Variants in LDLRAD3 observed in about 807,000 individuals in gnomAD.
LDLRAD3 encodes low density lipoprotein receptor class A domain containing 3.
A neutral mutation model predicts 29.4 loss-of-function variants in LDLRAD3; 20 were observed. The ratio of observed to expected loss-of-function variants is 0.68; its 90% CI spans 0.48 to 0.99. The LOEUF is 0.99. LDLRAD3 is among the 50% of genes least tolerant of loss of function. LDLRAD3 has a pLI of 0.00. For missense variants in LDLRAD3, 420 were observed against 454.3 expected, an observed-to-expected ratio of 0.92 and a Z score of 0.69; for synonymous variants, 157 against 192.7, an observed-to-expected ratio of 0.81 and a Z score of 1.53.
chr11:35,980,922 G>A (rs1002542750), intron 1 of LDLRAD3, among the ~76,000 whole-genome samples: 5 of 152,116 alleles, frequency 3.3e-5, no homozygotes, highest in African/African-American at 1.2e-4. Flanking sequence ...GGGAACCTTG[G>A]AAATCCCCCA....
chr11:36,120,257 A>AT (rs778366294), intron 4 of LDLRAD3, among the ~76,000 whole-genome samples: 28 of 150,676 alleles, frequency 1.9e-4, no homozygotes, highest in East Asian at 1.4e-3. Context: ...TGTAACAGGC[A>AT]TTTTTTTTTT....
intron 4 of LDLRAD3, among the ~76,000 whole-genome samples, chr11:36,169,491 T>C (rs941094411): frequency 6.6e-6 from 1 of 152,150 alleles, no homozygotes; most frequent in Admixed American, 6.5e-5. Flanking sequence ...TTCTACTCTT[T>C]CCCTCTGTGA....
At position 35,969,042 on chromosome 11, in the gene LDLRAD3, T is replaced by A. The variant is rs1024006400; in HGVS notation, c.46+24898T>A. ...CAGAGTCACGATTTTATACACAGGT[T>A]CCAGCCGTGGAATCCACATGCCTCA... is the stretch of plus-strand genomic sequence containing the variant. On this transcript the variant is annotated intron_variant, in intron 1 of 5. Coordinates refer to ENST00000315571, the MANE Select transcript of LDLRAD3 (RefSeq NM_174902.4). 2.6e-5 allele frequency among the ~76,000 whole-genome samples: 4 copies of A among 152,300 alleles called. No individual in the cohort carries two copies. In the East Asian group the frequency reaches 7.7e-4, roughly 29 times the overall value.
At chr11:36,087,918 C>T (rs1298120740) in intron 3 of LDLRAD3, among the ~76,000 whole-genome samples, 1 of 151,874 alleles carries the variant, frequency 6.6e-6, no homozygotes, top group Non-Finnish European at 1.5e-5. Flanking sequence ...GGAGTTTAAC[C>T]CTGTTACCCA....
chr11:36,016,312 C>T, intron 1 of LDLRAD3, among the ~76,000 whole-genome samples: 1 of 152,176 alleles, frequency 6.6e-6, no homozygotes, highest in African/African-American at 2.4e-5. Flanking sequence ...CAAGTGATTC[C>T]TTGTTCAGTT....
At chr11:36,131,241 A>G (rs1221637801) in intron 4 of LDLRAD3, among the ~76,000 whole-genome samples, 1 of 152,196 alleles carries the variant, frequency 6.6e-6, no homozygotes, top group African/African-American at 2.4e-5. Context: ...TTGCCTTTCC[A>G]CGCAAATGAA....
intron 1 of LDLRAD3, among the ~76,000 whole-genome samples, chr11:36,019,528 G>A (rs1852067158): frequency 6.6e-6 from 1 of 152,196 alleles, no homozygotes; most frequent in Admixed American, 6.5e-5. Flanking sequence ...GAGCTTCCAG[G>A]AATGGGGTGG....
In LDLRAD3 at chr11:36,015,302, C is replaced by A. The variant is rs552627817; in HGVS notation, c.47-20801C>A. ...CAATTAAAAATAAATCCGGGACATG[C>A]CATTCCCCCCCCCCGCCCCCTGCCC... is the stretch of plus-strand genomic sequence containing the variant. On this transcript the variant is annotated intron_variant, in intron 1 of 5. Transcript: ENST00000315571. Among the ~76,000 whole-genome samples the A allele has an allele frequency of 9.5e-3, 1,147 of 120,174 alleles. 13 individuals carry two copies. The highest frequency in any genetic ancestry group is 0.016 in the Non-Finnish European group (956 of 58,652). The allele number at this position is 120,174 out of a possible 152,430, so 78.8% of individuals were successfully genotyped here. A position where few individuals can be genotyped will look rare whatever the true frequency, so the allele number is the denominator to read the frequency against.
chr11:36,166,672 T>C (rs1346208391), intron 4 of LDLRAD3, among the ~76,000 whole-genome samples: 1 of 152,240 alleles, frequency 6.6e-6, no homozygotes, highest in Non-Finnish European at 1.5e-5. Context: ...TTTTACAATG[T>C]CTAGACTTCA....
At chr11:36,045,891 C>T (rs758595099) in intron 2 of LDLRAD3, among the ~76,000 whole-genome samples, 4 of 152,074 alleles carry the variant, frequency 2.6e-5, no homozygotes, top group African/African-American at 4.8e-5. Flanking sequence ...TGGTTTGCTG[C>T]ACCCATCAAC....
At chr11:36,114,054 G>T (rs994383333) in intron 4 of LDLRAD3, among the ~76,000 whole-genome samples, 2 of 152,182 alleles carry the variant, frequency 1.3e-5, no homozygotes, top group Non-Finnish European at 2.9e-5. Flanking sequence ...GATTGGATGG[G>T]TACTGGGGAT....
intron 4 of LDLRAD3, among the ~76,000 whole-genome samples, chr11:36,111,739 A>G (rs1248673866): frequency 6.6e-6 from 1 of 151,996 alleles, no homozygotes; most frequent in Non-Finnish European, 1.5e-5. Context: ...AGCGGGGATT[A>G]CAGGCGCCTG....
At chr11:36,040,104 C>T (rs1205851282) in intron 2 of LDLRAD3, among the ~76,000 whole-genome samples, 3 of 152,076 alleles carry the variant, frequency 2.0e-5, no homozygotes, top group Non-Finnish European at 4.4e-5. Context: ...GCAGTGTTCT[C>T]GCCTCGGAGA....
At chr11:36,117,588 C>T (rs1421579480) in intron 4 of LDLRAD3, among the ~76,000 whole-genome samples, 6 of 152,202 alleles carry the variant, frequency 3.9e-5, no homozygotes, top group Admixed American at 2.6e-4. Flanking sequence ...CCTAAAACAT[C>T]GGAACACCCC....
chr11:36,024,342 A>T (rs1004982690), intron 1 of LDLRAD3, among the ~76,000 whole-genome samples: 4 of 10,798 alleles, frequency 3.7e-4, no homozygotes, highest in African/African-American at 4.3e-4. Flanking sequence ...AGCTATATCC[A>T]TATCTATATC....
At chr11:36,021,533 A>G (rs1026467096) in intron 1 of LDLRAD3, among the ~76,000 whole-genome samples, 13 of 152,332 alleles carry the variant, frequency 8.5e-5, no homozygotes, top group East Asian at 1.9e-4. Flanking sequence ...TTTGAATTCA[A>G]TGATTGGGAG....
At chr11:35,962,126 C>A (rs1255673686) in intron 1 of LDLRAD3, among the ~76,000 whole-genome samples, 2 of 152,146 alleles carry the variant, frequency 1.3e-5, no homozygotes, top group Non-Finnish European at 2.9e-5. Context: ...TTTTTTCCCC[C>A]TCCTTGAAAT....
chr11:35,983,428 G>A (rs1314281629), intron 1 of LDLRAD3, among the ~76,000 whole-genome samples: 3 of 152,012 alleles, frequency 2.0e-5, no homozygotes, highest in Admixed American at 1.3e-4. Context: ...ATAACAAACC[G>A]CATGGACCTG....
chr11:36,132,973 A>G (rs1037718243), intron 4 of LDLRAD3, among the ~76,000 whole-genome samples: 1 of 152,148 alleles, frequency 6.6e-6, no homozygotes, highest in Non-Finnish European at 1.5e-5. Context: ...AATGAGTTTT[A>G]TAGTGTTTTG....
Sources: gnomAD v4.1 joint callset for allele counts (sites outside exome capture counted in the v4.1 genomes callset) on GRCh38, gnomAD v4.1.1 for gene constraint, MANE v1.5 for transcripts, NCBI Gene and HGNC (gene_info 2026-07-23, HGNC 2026-07-21) for gene names.